GPC5: variants seen among roughly 807,000 people sequenced by gnomAD.
GPC5 encodes glypican 5, also known as glypican-5.
In GPC5, 47 loss-of-function variants were observed where a neutral mutation model predicts 53.9. The observed-to-expected ratio is 0.87, with a 90% CI of 0.69 to 1.11. The LOEUF (loss-of-function observed/expected upper bound fraction) is 1.11, where lower values mean the gene tolerates loss of function less well. Ranked by LOEUF, GPC5 falls within the 50% of genes most tolerant of loss-of-function variation. The pLI, the probability that GPC5 is intolerant of heterozygous loss-of-function variation, is 0.00. For synonymous variants in GPC5, 286 were observed against 263.3 expected, an observed-to-expected ratio of 1.09 and a Z score of -0.84; for missense variants, 748 against 713.1, an observed-to-expected ratio of 1.05 and a Z score of -0.56.
At chr13:92,246,874 C>G (rs2042654970) in intron 7 of GPC5, among the ~76,000 whole-genome samples, 1 of 152,070 alleles carries the variant, frequency 6.6e-6, no homozygotes, top group South Asian at 2.1e-4. Flanking sequence ...ATTGAGTACA[C>G]TAACTTGAAT....
At chr13:92,535,046 T>G (rs1881679681) in intron 7 of GPC5, among the ~76,000 whole-genome samples, 1 of 152,172 alleles carries the variant, frequency 6.6e-6, no homozygotes, top group Non-Finnish European at 1.5e-5. Context: ...CAAAATTCAT[T>G]AAATTGCAAA....
chr13:92,580,790 A>C (rs1043672791), intron 7 of GPC5, among the ~76,000 whole-genome samples: 2 of 152,272 alleles, frequency 1.3e-5, no homozygotes, highest in African/African-American at 4.8e-5. Flanking sequence ...TAAACTGTTC[A>C]TGAGAAATTC....
intron 7 of GPC5, among the ~76,000 whole-genome samples, chr13:92,294,330 T>TTTG (rs373670371): frequency 1.6e-4 from 24 of 152,146 alleles, no homozygotes; most frequent in African/African-American, 4.8e-4. Flanking sequence ...CCTGGAGTTT[T>TTTG]TTGTTGTTGT....
At chr13:92,667,042 T>G (rs139646494) in intron 7 of GPC5, among the ~76,000 whole-genome samples, 28 of 152,314 alleles carry the variant, frequency 1.8e-4, no homozygotes, top group African/African-American at 6.5e-4. Context: ...TTTCAATAGA[T>G]GAGGGTATAC....
At chr13:92,483,536 G>A (rs1879435174) in intron 7 of GPC5, among the ~76,000 whole-genome samples, 1 of 152,168 alleles carries the variant, frequency 6.6e-6, no homozygotes, top group African/African-American at 2.4e-5. Flanking sequence ...TGAGTGGTGA[G>A]TGAATGTGAA....
At chr13:92,740,348 T>G (rs1284892095) in intron 7 of GPC5, among the ~76,000 whole-genome samples, 1 of 152,090 alleles carries the variant, frequency 6.6e-6, no homozygotes, top group Admixed American at 6.6e-5. Context: ...ATTGAATAAA[T>G]AAATATTAAA....
chr13:92,661,329 G>T (rs1401280560), intron 7 of GPC5, among the ~76,000 whole-genome samples: 3 of 146,356 alleles, frequency 2.0e-5, no homozygotes, highest in Non-Finnish European at 4.5e-5. Flanking sequence ...CTCAGTTGGA[G>T]AAATTTGAAA....
intron 6 of GPC5, among the ~76,000 whole-genome samples, chr13:92,107,494 C>T (rs539260988): frequency 1.3e-5 from 2 of 152,040 alleles, no homozygotes; most frequent in Admixed American, 1.3e-4. Flanking sequence ...TAATGTAAGG[C>T]CACTTTTTAA....
chr13:91,685,174 G>A (rs561734908), intron 2 of GPC5, among the ~76,000 whole-genome samples: 6 of 152,190 alleles, frequency 3.9e-5, no homozygotes, highest in African/African-American at 9.6e-5. Flanking sequence ...TGGTGGTGGC[G>A]CTTGTCTGTG....
intron 6 of GPC5, among the ~76,000 whole-genome samples, chr13:92,012,805 T>C (rs1241125197): frequency 6.6e-6 from 1 of 152,236 alleles, no homozygotes; most frequent in African/African-American, 2.4e-5. Context: ...TGATGCTGGA[T>C]TTCTCTTGGC....
chr13:92,362,384 G>A (rs1001180791), intron 7 of GPC5, among the ~76,000 whole-genome samples: 2 of 151,698 alleles, frequency 1.3e-5, no homozygotes, highest in Non-Finnish European at 2.9e-5. Flanking sequence ...TTTTGATAAA[G>A]GGTTAAAAGA....
At chr13:92,828,660 A>C (rs1450240871) in intron 7 of GPC5, among the ~76,000 whole-genome samples, 1 of 152,176 alleles carries the variant, frequency 6.6e-6, no homozygotes, top group East Asian at 1.9e-4. Context: ...GAACATGAGC[A>C]TACACCATAG....
At chr13:92,763,813 A>ACTC (rs1875287903) in intron 7 of GPC5, among the ~76,000 whole-genome samples, 1 of 152,108 alleles carries the variant, frequency 6.6e-6, no homozygotes. Context: ...CACTGGCCCA[A>ACTC]CTCTAAGGAG....
chr13:92,061,371 A>T (rs1462814347), intron 6 of GPC5, among the ~76,000 whole-genome samples: 1 of 152,038 alleles, frequency 6.6e-6, no homozygotes, highest in African/African-American at 2.4e-5. Flanking sequence ...GTGGTTTACA[A>T]CAAAACTAGA....
chr13:92,192,716 T>C (rs2042231210), intron 7 of GPC5, among the ~76,000 whole-genome samples: 3 of 152,224 alleles, frequency 2.0e-5, no homozygotes, highest in Admixed American at 1.3e-4. Context: ...TAGATTAATT[T>C]TATGTCTATG....
At chr13:92,646,326 C>T (rs1314313423) in intron 7 of GPC5, among the ~76,000 whole-genome samples, 1 of 152,108 alleles carries the variant, frequency 6.6e-6, no homozygotes, top group Non-Finnish European at 1.5e-5. Context: ...TACTAGCTGA[C>T]TATATATGTG....
chr13:92,464,662 T>G (rs994799763), intron 7 of GPC5, among the ~76,000 whole-genome samples: 1 of 151,990 alleles, frequency 6.6e-6, no homozygotes, highest in African/African-American at 2.4e-5. Context: ...ATGGAGAAAT[T>G]TTAAAGGTAC....
Position 91,715,770 on chromosome 13 carries a change from GTCTC to G in GPC5, c.1021-12734_1021-12731del, listed in dbSNP as rs55859912. On this transcript the variant is annotated intron_variant, in intron 3 of 7. Transcript: ENST00000377067. Reference sequence around the variant, plus strand: ...TTGTTTTTTTTTTTTTTAAGATAGGGTCTCTCTCTCTCTCTCTCTCTCTCTCTCT... The same window carrying G: ...TTGTTTTTTTTTTTTTTAAGATAGGGTCTCTCTCTCTCTCTCTCTCTCTCT... Among the ~76,000 whole-genome samples the G allele has an allele frequency of 5.2e-3, 696 of 132,728 alleles. 6 individuals are homozygous for G. The highest frequency in any genetic ancestry group is 0.017 in the South Asian group (67 of 4,010). 87.1% of individuals were successfully genotyped at this position (132,728 alleles called of 152,430 possible).
At chr13:92,683,849 C>T (rs1484892574) in intron 7 of GPC5, among the ~76,000 whole-genome samples, 3 of 152,040 alleles carry the variant, frequency 2.0e-5, no homozygotes, top group African/African-American at 4.8e-5. Context: ...TTTAACATCT[C>T]GTGGTATTTT....
Sources: gnomAD v4.1 joint callset for allele counts (sites outside exome capture counted in the v4.1 genomes callset) on GRCh38, gnomAD v4.1.1 for gene constraint, MANE v1.5 for transcripts, NCBI Gene and HGNC (gene_info 2026-07-23, HGNC 2026-07-21) for gene names.